Variants in SUMF1 observed in about 807,000 individuals in gnomAD.
SUMF1 encodes sulfatase modifying factor 1, also known as formylglycine-generating enzyme.
Under a neutral mutation model 47.6 loss-of-function variants are expected in SUMF1, and 48 were observed. That is an observed-to-expected ratio of 1.01 (90% CI 0.80 to 1.28). SUMF1 has a LOEUF of 1.28. Ranked by LOEUF, SUMF1 falls within the 50% of genes most tolerant of loss-of-function variation. The probability of loss-of-function intolerance (pLI) is 0.00; values close to 1 mark genes in which losing one functional copy is unlikely to be tolerated. For missense variants in SUMF1, 571 were observed against 485.4 expected (o/e 1.18, Z -1.66); for synonymous variants, 230 against 192.1 (o/e 1.20, Z -1.63).
At chr3:4,329,565 G>A (rs191569066) in intron 8 of SUMF1, among the ~76,000 whole-genome samples, 175 of 152,292 alleles carry the variant, frequency 1.1e-3, no homozygotes, top group South Asian at 2.3e-3. Context: ...TCTCTAGGCT[G>A]CACACAGCAG....
At chr3:4,448,978 G>A (rs941087741) in intron 3 of SUMF1, among the ~76,000 whole-genome samples, 8 of 152,160 alleles carry the variant, frequency 5.3e-5, no homozygotes, top group African/African-American at 9.7e-5. Context: ...AATGAAACTC[G>A]GAAGTGTCTG....
intron 1 of SUMF1, among the ~76,000 whole-genome samples, chr3:4,453,687 C>G (rs1280161257): frequency 6.6e-6 from 1 of 152,064 alleles, no homozygotes. Flanking sequence ...GCGCCCACCA[C>G]CATGCCCGGC....
chr3:4,388,131 G>A (rs1163712581), intron 7 of SUMF1, among the ~76,000 whole-genome samples: 2 of 151,982 alleles, frequency 1.3e-5, no homozygotes, highest in Non-Finnish European at 2.9e-5. Flanking sequence ...CTGAACTTCT[G>A]TCTAATTGTA....
chr3:4,397,343 T>C (rs1701071541), intron 7 of SUMF1, among the ~76,000 whole-genome samples: 1 of 152,230 alleles, frequency 6.6e-6, no homozygotes, highest in East Asian at 1.9e-4. Flanking sequence ...CAATCACTTA[T>C]ATTGCTTAGA....
intron 7 of SUMF1, among the ~76,000 whole-genome samples, chr3:4,376,999 C>G (rs1251475390): frequency 6.6e-6 from 1 of 151,974 alleles, no homozygotes; most frequent in African/African-American, 2.4e-5. Context: ...CAGGGTCTCG[C>G]TATATTGCCC....
intron 8 of SUMF1, among the ~76,000 whole-genome samples, chr3:4,347,783 G>A (rs1699403304): frequency 1.3e-5 from 2 of 152,138 alleles, no homozygotes; most frequent in South Asian, 4.1e-4. Context: ...TTAGAAAACT[G>A]CATCATCTCA....
Position 4,230,503 on chromosome 3 carries a change from G to A in SUMF1, c.1014+145827C>T, listed in dbSNP as rs150019528. ...AGGATACAACTCAGGAAAGCCAGACGGAAAAGGCACATGGGGCAAGAAAGG... is the reference window on the plus strand; with the variant it reads ...AGGATACAACTCAGGAAAGCCAGACAGAAAAGGCACATGGGGCAAGAAAGG... On this transcript the variant is annotated intron_variant and NMD_transcript_variant, in intron 8 of 12. Coordinates refer to the SUMF1 transcript ENST00000448413. 8.9e-4 allele frequency among the ~76,000 whole-genome samples: 135 copies of A among 152,214 alleles called. 1 individual carries two copies. The highest frequency in any genetic ancestry group is 5.2e-3 in the Admixed American group (80 of 15,294).
intron 9 of SUMF1, among the ~76,000 whole-genome samples, chr3:4,054,677 G>A (rs1695162374): frequency 6.6e-6 from 1 of 152,106 alleles, no homozygotes; most frequent in Admixed American, 6.5e-5. Flanking sequence ...GCTCAATGCA[G>A]ATATCAACTG....
At chr3:4,252,479 C>A (rs1236283089) in intron 8 of SUMF1, among the ~76,000 whole-genome samples, 2 of 152,138 alleles carry the variant, frequency 1.3e-5, no homozygotes, top group Non-Finnish European at 2.9e-5. Flanking sequence ...CCGTTTGAGA[C>A]TGCTGAACTT....
chr3:4,249,197 T>C (rs1696737505), intron 8 of SUMF1, among the ~76,000 whole-genome samples: 1 of 152,238 alleles, frequency 6.6e-6, no homozygotes, highest in African/African-American at 2.4e-5. Context: ...GCAAATCAAA[T>C]ATCAAAGGAA....
chr3:4,138,498 G>A (rs545876618), intron 8 of SUMF1, among the ~76,000 whole-genome samples: 1 of 152,122 alleles, frequency 6.6e-6, no homozygotes, highest in East Asian at 1.9e-4. Context: ...CTTCCAGAAG[G>A]GACTGGAGAC....
chr3:4,404,564 C>G (rs2124986390), intron 7 of SUMF1, among the ~76,000 whole-genome samples: 1 of 152,210 alleles, frequency 6.6e-6, no homozygotes, highest in African/African-American at 2.4e-5. Context: ...TCGAGACCAA[C>G]CTGACCAACA....
At chr3:4,156,720 AATAGACTATAGAAAAGCAT>A (rs1694459653) in intron 8 of SUMF1, among the ~76,000 whole-genome samples, 2 of 151,732 alleles carry the variant, frequency 1.3e-5, no homozygotes, top group South Asian at 4.1e-4. Context: ...AAGGAAATTT[AATAGACTATAGAAAAGCAT>A]TTATTTCATT....
chr3:4,213,441 C>A (rs1559572834), intron 8 of SUMF1, among the ~76,000 whole-genome samples: 1 of 152,114 alleles, frequency 6.6e-6, no homozygotes, highest in South Asian at 2.1e-4. Flanking sequence ...ACAACCAGTT[C>A]CAGCCACTGC....
At chr3:4,303,550 G>T in intron 8 of SUMF1, 1 of 1,345,870 alleles carries the variant, frequency 7.4e-7, no homozygotes, top group Non-Finnish European at 9.5e-7. Context: ...CAGGCGGCGC[G>T]GGAGGCGGGC....
intron 9 of SUMF1, among the ~76,000 whole-genome samples, chr3:4,062,771 G>C (rs1418782346): frequency 6.6e-6 from 1 of 152,112 alleles, no homozygotes; most frequent in Non-Finnish European, 1.5e-5. Flanking sequence ...TGCACAATGA[G>C]TTTCAATATG....
At chr3:4,457,034 G>C (rs1476605003) in intron 1 of SUMF1, among the ~76,000 whole-genome samples, 1 of 139,366 alleles carries the variant, frequency 7.2e-6, no homozygotes, top group Non-Finnish European at 1.5e-5. Context: ...ATATACGTGT[G>C]TGTGTATATA....
intron 8 of SUMF1, among the ~76,000 whole-genome samples, chr3:4,175,550 G>T (rs998198432): frequency 1.3e-5 from 2 of 152,136 alleles, no homozygotes; most frequent in African/African-American, 4.8e-5. Context: ...CAACATCAAA[G>T]ACCAAAGGTA....
intron 8 of SUMF1, among the ~76,000 whole-genome samples, chr3:4,331,041 A>G (rs1026542231): frequency 5.9e-5 from 9 of 152,178 alleles, no homozygotes; most frequent in Non-Finnish European, 1.2e-4. Context: ...ATCATTTTAA[A>G]TTTTAGACAA....
Sources: allele counts gnomAD v4.1 joint callset (sites outside exome capture counted in the v4.1 genomes callset), GRCh38; gene constraint gnomAD v4.1.1; transcripts MANE v1.5; gene names NCBI Gene and HGNC (gene_info 2026-07-23, HGNC 2026-07-21).